Variants in KCNH8 observed in about 807,000 individuals in gnomAD.
KCNH8 encodes voltage-gated delayed rectifier potassium channel KCNH8.
KCNH8 carries 70 observed loss-of-function variants against 103.6 expected under a neutral mutation model. The ratio of observed to expected loss-of-function variants is 0.68; its 90% CI spans 0.56 to 0.82. The LOEUF (loss-of-function observed/expected upper bound fraction) is 0.82. Ranked by LOEUF, KCNH8 falls within the 40% of genes least tolerant of loss-of-function variation. KCNH8 has a pLI of 0.00. For missense variants in KCNH8, 1,217 were observed against 1,329.9 expected (o/e 0.92, Z 1.32); for synonymous variants, 498 against 489.4 (o/e 1.02, Z -0.23).
intron 15 of KCNH8, among the ~76,000 whole-genome samples, chr3:19,532,541 G>A (rs2069180353): frequency 6.6e-6 from 1 of 152,158 alleles, no homozygotes; most frequent in African/African-American, 2.4e-5. Context: ...GAAATGGCAA[G>A]AGTGAGACCT....
At chr3:19,474,097 C>T (rs968594848) in intron 11 of KCNH8, among the ~76,000 whole-genome samples, 15 of 152,174 alleles carry the variant, frequency 9.9e-5, no homozygotes, top group African/African-American at 3.4e-4. Context: ...AAATCCCAAA[C>T]CAGTTATCCC....
chr3:19,490,389 G>T lies in KCNH8; in HGVS notation c.2041-19974G>T, dbSNP rs142480365. 8.5e-5 allele frequency among the ~76,000 whole-genome samples: 13 copies of T among 152,308 alleles called. No homozygotes were observed. In the East Asian group the frequency reaches 1.9e-3, roughly 23 times the overall value. ...CTTTTAAGGGCTTACAACTCTAAGG[G>T]TGTCCATGTGAGAGGGTCGGGATTG... On this transcript the variant is annotated intron_variant, in intron 11 of 15. Transcript: ENST00000328405.
At chr3:19,180,654 C>A (rs1338829679) in intron 1 of KCNH8, among the ~76,000 whole-genome samples, 1 of 152,032 alleles carries the variant, frequency 6.6e-6, no homozygotes, top group Admixed American at 6.6e-5. Context: ...ACTTACAAAG[C>A]AAATCAGTAC....
chr3:19,519,607 C>T (rs1257020184), intron 15 of KCNH8, among the ~76,000 whole-genome samples: 1 of 150,716 alleles, frequency 6.6e-6, no homozygotes, highest in Non-Finnish European at 1.5e-5. Context: ...ACTTAAATCA[C>T]AAAGACTCAG....
At chr3:19,432,653 A>G (rs1314517137) in intron 7 of KCNH8, among the ~76,000 whole-genome samples, 1 of 152,172 alleles carries the variant, frequency 6.6e-6, no homozygotes, top group Non-Finnish European at 1.5e-5. Context: ...ACACAAATGT[A>G]TGTCCCACAA....
At chr3:19,226,173 G>T (rs112984506) in intron 1 of KCNH8, among the ~76,000 whole-genome samples, 7,058 of 152,228 alleles carry the variant, frequency 0.046, 187 homozygotes, top group Non-Finnish European at 0.055. Flanking sequence ...TACAAATTTT[G>T]TTGAGCAGTG....
At chr3:19,169,771 A>G (rs1200122035) in intron 1 of KCNH8, among the ~76,000 whole-genome samples, 1 of 152,184 alleles carries the variant, frequency 6.6e-6, no homozygotes, top group Non-Finnish European at 1.5e-5. Context: ...CTAGCACGTA[A>G]TTGTCCCTCA....
chr3:19,282,523 C>T (rs2064771241), intron 3 of KCNH8, among the ~76,000 whole-genome samples: 2 of 152,094 alleles, frequency 1.3e-5, no homozygotes, highest in South Asian at 4.1e-4. Context: ...ATATTATGTA[C>T]ATTCACAAAT....
intron 1 of KCNH8, among the ~76,000 whole-genome samples, chr3:19,185,031 G>T (rs2063489421): frequency 6.6e-6 from 1 of 151,718 alleles, no homozygotes; most frequent in Non-Finnish European, 1.5e-5. Flanking sequence ...ACCAGTTGTT[G>T]ATTATTTGAA....
chr3:19,188,890 C>T (rs1040993294), intron 1 of KCNH8, among the ~76,000 whole-genome samples: 1 of 151,900 alleles, frequency 6.6e-6, no homozygotes, highest in Admixed American at 6.6e-5. Flanking sequence ...GCGATCCTCC[C>T]ACTTCATTCT....
chr3:19,168,926 G>A (rs2063311326), intron 1 of KCNH8, among the ~76,000 whole-genome samples: 1 of 151,950 alleles, frequency 6.6e-6, no homozygotes, highest in South Asian at 2.1e-4. Context: ...ACTCTTAGGG[G>A]CCTACCACAT....
rs536290344 is a variant in KCNH8 at position 19,309,730 on chromosome 3, G to T, written c.442+28401G>T. Among the ~76,000 whole-genome samples, 3 of 152,032 alleles carry T rather than the reference G, an allele frequency of 2.0e-5. No homozygotes were observed. The South Asian group carries it at 6.2e-4, about 32-fold the overall frequency. ...GATAGTTTCAGAAGGAAAACATTTA[G>T]ATAGATACAGCCACAGCAAAACATG... On this transcript the variant is annotated intron_variant, in intron 3 of 15. Transcript: ENST00000328405.
intron 3 of KCNH8, among the ~76,000 whole-genome samples, chr3:19,301,155 C>A (rs766615348): frequency 2.0e-5 from 3 of 151,554 alleles, no homozygotes; most frequent in South Asian, 2.1e-4. Flanking sequence ...TGAACCCAAG[C>A]CCTATTAAGC....
At position 19,234,654 on chromosome 3, in the gene KCNH8, C is replaced by T. The variant is rs1457725552; in HGVS notation, c.77-19000C>T. Among the ~76,000 whole-genome samples, 3 of 144,758 alleles carry T rather than the reference C, an allele frequency of 2.1e-5. No individual in the cohort carries two copies. In the East Asian group the frequency reaches 6.4e-4, roughly 31 times the overall value. 95.0% of individuals were successfully genotyped at this position (144,758 alleles called of 152,430 possible). A position where few individuals can be genotyped will look rare whatever the true frequency, so the allele number is the denominator to read the frequency against. ...CACACCTTCCCGCAAGCTGAGGGAG[C>T]CGGCTCCCGGCCTTGGGCAGCCCAG... On this transcript the variant is annotated intron_variant, in intron 1 of 15. Coordinates refer to ENST00000328405, the MANE Select transcript of KCNH8 (RefSeq NM_144633.3).
rs1187399187 is a variant in KCNH8 at position 19,170,673 on chromosome 3, TAC to T, written c.76+21888_76+21889del. On this transcript the variant is annotated intron_variant, in intron 1 of 15. Transcript: ENST00000328405. ...ACACACATATATACACACATATATA[TAC>T]ACACACACATATATACACACATATA... Among the ~76,000 whole-genome samples, 263 of 141,328 alleles carry T rather than the reference TAC, an allele frequency of 1.9e-3. 1 individual carries two copies. Among genetic ancestry groups the T allele is most frequent in the African/African-American group, 5.4e-3 (194 of 35,644 alleles). 92.7% of individuals were successfully genotyped at this position (141,328 alleles called of 152,430 possible). A position where few individuals can be genotyped will look rare whatever the true frequency, so the allele number is the denominator to read the frequency against.
At chr3:19,302,982 C>T (rs1262882221) in intron 3 of KCNH8, among the ~76,000 whole-genome samples, 3 of 152,170 alleles carry the variant, frequency 2.0e-5, no homozygotes, top group Non-Finnish European at 4.4e-5. Flanking sequence ...TATAGTCAGT[C>T]TTTTATATCA....
At chr3:19,446,881 G>C (rs2067370351) in intron 8 of KCNH8, among the ~76,000 whole-genome samples, 1 of 151,958 alleles carries the variant, frequency 6.6e-6, no homozygotes, top group Non-Finnish European at 1.5e-5. Context: ...CAGTTCTATA[G>C]AAGCACTTCT....
intron 11 of KCNH8, among the ~76,000 whole-genome samples, chr3:19,464,201 C>A (rs1422017069): frequency 1.3e-5 from 2 of 152,096 alleles, no homozygotes; most frequent in Non-Finnish European, 2.9e-5. Context: ...CAAGGCTGTA[C>A]AATTTCAATA....
At chr3:19,237,104 G>A (rs1476946613) in intron 1 of KCNH8, among the ~76,000 whole-genome samples, 1 of 152,122 alleles carries the variant, frequency 6.6e-6, no homozygotes, top group Non-Finnish European at 1.5e-5. Context: ...TTTTTGCTTT[G>A]TTTTCTTTTT....
Sources: allele counts gnomAD v4.1 joint callset (sites outside exome capture counted in the v4.1 genomes callset), GRCh38; gene constraint gnomAD v4.1.1; transcripts MANE v1.5; gene names NCBI Gene and HGNC (gene_info 2026-07-23, HGNC 2026-07-21).